FGF13: variants seen among roughly 807,000 people sequenced by gnomAD.
FGF13 encodes the protein fibroblast growth factor 13, also known as fibroblast growth factor homologous factor 2.
FGF13 carries 2 observed loss-of-function variants against 19.5 expected under a neutral mutation model. That is an observed-to-expected ratio of 0.10 (90% CI 0.04 to 0.32). The LOEUF (loss-of-function observed/expected upper bound fraction) is 0.32, where lower values mean the gene tolerates loss of function less well. Ranked by LOEUF, FGF13 falls within the 10% of genes least tolerant of loss-of-function variation. The probability of loss-of-function intolerance (pLI) is 1.00; values close to 1 mark genes in which losing one functional copy is unlikely to be tolerated. For synonymous variants in FGF13, 72 were observed against 76.9 expected, an observed-to-expected ratio of 0.94 and a Z score of 0.33; for missense variants, 113 against 192.7, an observed-to-expected ratio of 0.59 and a Z score of 2.45.
chrX:139,030,507 A>T (rs182141450), intron 1 of FGF13, among the ~76,000 whole-genome samples: 2 of 112,015 alleles, frequency 1.8e-5, no homozygotes, highest in Non-Finnish European at 3.8e-5. Context: ...ACAACATTTT[A>T]CTATATTACC....
intron 3 of FGF13, among the ~76,000 whole-genome samples, chrX:138,811,545 G>T (rs1358516275): frequency 4.5e-5 from 5 of 110,881 alleles, no homozygotes; most frequent in Admixed American, 2.9e-4. Flanking sequence ...GTATCCATAT[G>T]TAACAAACCT....
intron 1 of FGF13, among the ~76,000 whole-genome samples, chrX:139,192,458 T>A (rs2084338983): frequency 9.0e-6 from 1 of 111,543 alleles, no homozygotes; most frequent in African/African-American, 3.3e-5. Context: ...AAATTCTAAT[T>A]CAGTAGGTCA....
chrX:138,711,874 CT>C (rs1229732219), upstream of FGF13, among the ~76,000 whole-genome samples: 1 of 106,288 alleles, frequency 9.4e-6, no homozygotes, highest in Non-Finnish European at 2.0e-5. Context: ...GGCTTCCGCA[CT>C]GCCCCAGTCG....
intron 1 of FGF13, among the ~76,000 whole-genome samples, chrX:139,143,219 C>T (rs947718426): frequency 5.4e-5 from 6 of 111,728 alleles, no homozygotes; most frequent in Admixed American, 4.7e-4. Flanking sequence ...AGTCTCTAAG[C>T]TCATTTGTGT....
At chrX:139,064,159 A>G (rs1403302427) in intron 1 of FGF13, among the ~76,000 whole-genome samples, 1 of 110,358 alleles carries the variant, frequency 9.1e-6, no homozygotes, top group East Asian at 2.8e-4. Context: ...GCCTAAACCA[A>G]AATTTTTAAG....
chrX:139,113,245 T>C (rs2083616593), intron 1 of FGF13, among the ~76,000 whole-genome samples: 1 of 110,163 alleles, frequency 9.1e-6, no homozygotes, highest in East Asian at 2.9e-4. Context: ...CAACCCATCA[T>C]CTGTCTCTCC....
chrX:138,894,334 C>G (rs1185802770), intron 1 of FGF13, among the ~76,000 whole-genome samples: 2 of 108,691 alleles, frequency 1.8e-5, no homozygotes, highest in Non-Finnish European at 3.8e-5. Context: ...GATAGAGACA[C>G]AAAAAACCCT....
rs187251904 is a variant in FGF13 at position 138,929,069 on chromosome X, T to C, written c.-112-64419A>G. ...CTCAAAGTCATACAACTTGCCCAAATAGGCATCACTGATTGGATAAGAATG... is the reference window on the plus strand; with the variant it reads ...CTCAAAGTCATACAACTTGCCCAAACAGGCATCACTGATTGGATAAGAATG... On this transcript the variant is annotated intron_variant, in intron 1 of 2. Transcript: ENST00000421460. Among the ~76,000 whole-genome samples, 277 of 111,976 alleles carry C rather than the reference T, an allele frequency of 2.5e-3. 2 individuals carry two copies. The highest frequency in any genetic ancestry group is 2.6e-3 in the Non-Finnish European group (138 of 53,252).
rs185442995 is a variant in FGF13, at chrX:139,072,598, C to T, written c.-113+130818G>A. On this transcript the variant is annotated intron_variant, in intron 1 of 2. Coordinates refer to the FGF13 transcript ENST00000421460. Reference sequence around the variant, plus strand: ...TTGTTGCTGATATCAGGTCCACTGTCTTCTAACTTACAATCTTCTAATAGG... The same window carrying T: ...TTGTTGCTGATATCAGGTCCACTGTTTTCTAACTTACAATCTTCTAATAGG... Among the ~76,000 whole-genome samples, 34 of 111,991 alleles carry T rather than the reference C, an allele frequency of 3.0e-4. No homozygotes were observed. The East Asian group carries it at 6.4e-3, about 21-fold the overall frequency.
At chrX:139,125,987 C>T (rs756635605) in intron 1 of FGF13, among the ~76,000 whole-genome samples, 1 of 111,995 alleles carries the variant, frequency 8.9e-6, no homozygotes, top group East Asian at 2.8e-4. Context: ...AACTGGTTGG[C>T]CTTCAGCAAG....
chrX:139,113,556 T>G (rs2083618653), intron 1 of FGF13, among the ~76,000 whole-genome samples: 1 of 112,636 alleles, frequency 8.9e-6, no homozygotes, highest in Non-Finnish European at 1.9e-5. Context: ...TCATTCAATA[T>G]TCAATCACAA....
At chrX:138,798,161 C>G (rs2090794530) in intron 3 of FGF13, among the ~76,000 whole-genome samples, 1 of 111,775 alleles carries the variant, frequency 8.9e-6, no homozygotes, top group Non-Finnish European at 1.9e-5. Flanking sequence ...GGAATGCTTC[C>G]AGCCTTTGTC....
intron 1 of FGF13, among the ~76,000 whole-genome samples, chrX:139,195,547 T>C (rs2148280437): frequency 8.9e-6 from 1 of 112,378 alleles, no homozygotes; most frequent in African/African-American, 3.2e-5. Context: ...TTACTAACCC[T>C]CAACTCCAGA....
intron 1 of FGF13, among the ~76,000 whole-genome samples, chrX:138,922,045 G>A (rs1374835929): frequency 1.3e-4 from 14 of 105,102 alleles, no homozygotes; most frequent in African/African-American, 4.8e-4. Context: ...TTCATCTTAA[G>A]TCTGTAGCTT....
At chrX:138,864,083 T>C (rs1027119509) in intron 2 of FGF13, among the ~76,000 whole-genome samples, 2 of 111,922 alleles carry the variant, frequency 1.8e-5, no homozygotes, top group African/African-American at 6.5e-5. Flanking sequence ...CCTCCGGACA[T>C]TGTCAAATCC....
At chrX:139,161,550 G>A (rs768768086) in intron 1 of FGF13, among the ~76,000 whole-genome samples, 4 of 111,232 alleles carry the variant, frequency 3.6e-5, no homozygotes, top group South Asian at 3.9e-4. Flanking sequence ...GTCTGGCCAC[G>A]GCACTCAGGC....
intron 1 of FGF13, among the ~76,000 whole-genome samples, chrX:139,163,408 G>A (rs2148256897): frequency 9.0e-6 from 1 of 110,843 alleles, no homozygotes; most frequent in South Asian, 4.0e-4. Flanking sequence ...GGGGGCCTAG[G>A]GGAGGGATAG....
At chrX:138,979,448 T>C (rs1239563276) in intron 1 of FGF13, among the ~76,000 whole-genome samples, 2 of 110,208 alleles carry the variant, frequency 1.8e-5, no homozygotes, top group African/African-American at 6.6e-5. Context: ...TTAGGGTACA[T>C]GTAAACAATG....
intron 1 of FGF13, among the ~76,000 whole-genome samples, chrX:138,945,926 A>G (rs1569427888): frequency 2.7e-5 from 3 of 111,222 alleles, no homozygotes. Flanking sequence ...TTGTCAACCT[A>G]TTTCCTAAGG....
Sources: gnomAD v4.1 joint callset for allele counts (sites outside exome capture counted in the v4.1 genomes callset) on GRCh38, gnomAD v4.1.1 for gene constraint, MANE v1.5 for transcripts, NCBI Gene and HGNC (gene_info 2026-07-23, HGNC 2026-07-21) for gene names.